The following GLRA2 variants were observed in gnomAD, a reference collection of about 807,000 sequenced individuals.
The protein encoded by GLRA2 is glycine receptor subunit alpha-2.
Under a neutral mutation model 31.6 loss-of-function variants are expected in GLRA2, and 11 were observed. The observed-to-expected ratio is 0.35, with a 90% CI of 0.22 to 0.58. GLRA2 has a LOEUF of 0.58. GLRA2 is among the 20% of genes least tolerant of loss of function. The pLI, the probability that GLRA2 is intolerant of heterozygous loss-of-function variation, is 0.84. For synonymous variants in GLRA2, 132 were observed against 134.0 expected (o/e 0.99, Z 0.10); for missense variants, 212 against 351.8 (o/e 0.60, Z 3.18).
chrX:14,460,255 G>A, the GLRA2 span, among the ~76,000 whole-genome samples: 27 of 111,944 alleles, frequency 2.4e-4, no homozygotes, highest in African/African-American at 8.1e-4. Flanking sequence ...TTTTTGATGT[G>A]CTACTGAATT....
the GLRA2 span, among the ~76,000 whole-genome samples, chrX:14,468,324 T>A: frequency 1.8e-5 from 2 of 111,874 alleles, no homozygotes; most frequent in Non-Finnish European, 3.8e-5. Context: ...TGTGATGGGA[T>A]GTTAAGAGTT....
At chrX:14,513,549 A>G in the GLRA2 span, among the ~76,000 whole-genome samples, 1 of 111,966 alleles carries the variant, frequency 8.9e-6, no homozygotes, top group African/African-American at 3.2e-5. Context: ...ATGCACAAGG[A>G]ACTAAAACAA....
At chrX:14,649,321 T>C (rs1601799365) in intron 7 of GLRA2, among the ~76,000 whole-genome samples, 1 of 111,886 alleles carries the variant, frequency 8.9e-6, no homozygotes, top group East Asian at 2.8e-4. Context: ...GACTTGTATA[T>C]GAATGTTCAG....
chrX:14,480,764 T>A, the GLRA2 span, among the ~76,000 whole-genome samples: 1 of 112,031 alleles, frequency 8.9e-6, no homozygotes, highest in Non-Finnish European at 1.9e-5. Context: ...TACTATAGCC[T>A]TATAATATAG....
At chrX:14,630,967 C>T (rs1438872429) in intron 7 of GLRA2, among the ~76,000 whole-genome samples, 2 of 110,320 alleles carry the variant, frequency 1.8e-5, no homozygotes, top group Admixed American at 1.9e-4. Flanking sequence ...GGATGAACTC[C>T]TTCCATCAAG....
In GLRA2 at chrX:14,604,674, CA is replaced by C. The variant is rs1273887605; in HGVS notation, c.577+283del. 3.7e-5 allele frequency among the ~76,000 whole-genome samples: 4 copies of C among 108,211 alleles called. No homozygotes were observed. In the East Asian group the frequency reaches 1.2e-3, roughly 32 times the overall value. 94.0% of individuals were successfully genotyped at this position (108,211 alleles called of 115,157 possible). A position where few individuals can be genotyped will look rare whatever the true frequency, so the allele number is the denominator to read the frequency against. ...AATAACTTGCCTTTCTCCCCCCGCC[CA>C]AAAAATAGCCTGATTTGGTAAGCTT... On this transcript the variant is annotated intron_variant, in intron 5 of 8. Coordinates refer to ENST00000218075, the MANE Select transcript of GLRA2 (RefSeq NM_002063.4).
chrX:14,671,297 A>C (rs2091090038), intron 7 of GLRA2, among the ~76,000 whole-genome samples: 1 of 111,813 alleles, frequency 8.9e-6, no homozygotes, highest in African/African-American at 3.3e-5. Context: ...GGCTCTCCTG[A>C]TCTAATTTGG....
chrX:14,454,180 CCACACACCCACACACACA>C, the GLRA2 span, among the ~76,000 whole-genome samples: 11 of 68,821 alleles, frequency 1.6e-4, no homozygotes, highest in Admixed American at 1.9e-3. Flanking sequence ...ACACCCACAC[CCACACACCCACACACACA>C]CACACACACA....
At chrX:14,485,578 T>G in the GLRA2 span, among the ~76,000 whole-genome samples, 2 of 111,663 alleles carry the variant, frequency 1.8e-5, no homozygotes, top group Non-Finnish European at 3.8e-5. Context: ...TCTCATATAG[T>G]TGCCCTTTTT....
chrX:14,580,651 G>A (rs1174885110), intron 3 of GLRA2, among the ~76,000 whole-genome samples: 2 of 112,028 alleles, frequency 1.8e-5, no homozygotes, highest in African/African-American at 6.5e-5. Context: ...AAAATATTTT[G>A]TCAACATGAA....
intron 8 of GLRA2, among the ~76,000 whole-genome samples, chrX:14,704,821 TA>T (rs1040098766): frequency 4.5e-5 from 5 of 111,464 alleles, no homozygotes; most frequent in South Asian, 3.7e-4. Flanking sequence ...AAGGGGCAGA[TA>T]AAAAAAACTG....
chrX:14,576,064 TAAAAA>T (rs76368177), intron 3 of GLRA2, among the ~76,000 whole-genome samples: 1 of 88,507 alleles, frequency 1.1e-5, no homozygotes. Flanking sequence ...CATTGAGAAG[TAAAAA>T]AAAAAAAAAA....
Position 14,730,709 on chromosome X carries a change from T to C in GLRA2, c.*224T>C, listed in dbSNP as rs760254649. On this transcript the variant is annotated 3_prime_UTR_variant, in exon 9 of 9. Transcript: ENST00000218075. Reference sequence around the variant, plus strand: ...GGGTTGCAGAATCACGGGAGCATAATAATTCCCTTCCATAATCTTTAGCAT... The same window carrying C: ...GGGTTGCAGAATCACGGGAGCATAACAATTCCCTTCCATAATCTTTAGCAT... The C allele has an allele frequency of 2.5e-6, 1 of 392,418 alleles. No individual in the cohort carries two copies. Among genetic ancestry groups the C allele is most frequent in the Admixed American group, 4.3e-5 (1 of 23,478 alleles). The allele number at this position is 392,418 out of a possible 1,213,427, so 32.3% of individuals were successfully genotyped here.
intron 8 of GLRA2, among the ~76,000 whole-genome samples, chrX:14,722,701 G>A (rs1389908431): frequency 6.3e-5 from 7 of 111,758 alleles, no homozygotes; most frequent in African/African-American, 2.3e-4. Flanking sequence ...AGTGGGAACT[G>A]CTTCTCTTCT....
Position 14,601,816 on chromosome X carries a change from G to A in GLRA2, c.495-2499G>A, listed in dbSNP as rs192393773. Among the ~76,000 whole-genome samples, 368 of 111,269 alleles carry A rather than the reference G, an allele frequency of 3.3e-3. 2 individuals carry two copies. Among genetic ancestry groups the A allele is most frequent in the African/African-American group, 0.011 (335 of 30,727 alleles). On this transcript the variant is annotated intron_variant, in intron 4 of 8. Coordinates refer to ENST00000218075, the MANE Select transcript of GLRA2 (RefSeq NM_002063.4). ...ATGAAGCAGAGAAAGGAAAAATAAA[G>A]GAAGCAGGAAGGCAGAGCAAGAATG...
chrX:14,485,580 GC>G, the GLRA2 span, among the ~76,000 whole-genome samples: 4 of 111,173 alleles, frequency 3.6e-5, no homozygotes, highest in Non-Finnish European at 7.5e-5. Context: ...TCATATAGTT[GC>G]CCTTTTTCTT....
intron 7 of GLRA2, among the ~76,000 whole-genome samples, chrX:14,672,404 T>C (rs2091102798): frequency 8.9e-6 from 1 of 112,647 alleles, no homozygotes; most frequent in African/African-American, 3.2e-5. Flanking sequence ...AAAATAATAA[T>C]GCTATCTGAT....
chrX:14,715,027 C>A (rs1254432160), intron 8 of GLRA2, among the ~76,000 whole-genome samples: 1 of 112,138 alleles, frequency 8.9e-6, no homozygotes. Context: ...TATGTATTGA[C>A]TTTTAACTAG....
chrX:14,487,150 C>T, the GLRA2 span, among the ~76,000 whole-genome samples: 1 of 109,840 alleles, frequency 9.1e-6, no homozygotes, highest in Non-Finnish European at 1.9e-5. Flanking sequence ...TCTAGAACTG[C>T]GTTGTCTAAT....
Sources: gnomAD v4.1 joint callset for allele counts (sites outside exome capture counted in the v4.1 genomes callset) on GRCh38, gnomAD v4.1.1 for gene constraint, MANE v1.5 for transcripts, NCBI Gene and HGNC (gene_info 2026-07-23, HGNC 2026-07-21) for gene names.